Variants in DOCK8 observed in about 807,000 individuals in gnomAD.
DOCK8 encodes dedicator of cytokinesis 8, also known as dedicator of cytokinesis protein 8.
A neutral mutation model predicts 245.6 loss-of-function variants in DOCK8; 141 were observed. The ratio of observed to expected loss-of-function variants is 0.57; its 90% CI spans 0.50 to 0.66. DOCK8 has a LOEUF of 0.66. DOCK8 is among the 30% of genes least tolerant of loss of function. The pLI is 0.00. For synonymous variants in DOCK8, 1,168 were observed against 970.2 expected (o/e 1.20, Z -3.79); for missense variants, 2,965 against 2,603.4 (o/e 1.14, Z -3.02).
At chr9:244,048 C>G (rs796858683) in intron 1 of DOCK8, among the ~76,000 whole-genome samples, 1 of 151,872 alleles carries the variant, frequency 6.6e-6, no homozygotes, top group Admixed American at 6.6e-5. Context: ...TTTAGCCGGG[C>G]GTGGCGGCGA....
chr9:227,667 C>T (rs914552081), intron 1 of DOCK8, among the ~76,000 whole-genome samples: 1 of 152,024 alleles, frequency 6.6e-6, no homozygotes, highest in African/African-American at 2.4e-5. Context: ...TTCTATTGGG[C>T]GGCTTGAAAT....
intron 14 of DOCK8, among the ~76,000 whole-genome samples, chr9:361,344 T>A (rs889372965): frequency 7.9e-5 from 12 of 152,274 alleles, no homozygotes; most frequent in African/African-American, 2.9e-4. Flanking sequence ...AGGTAACATA[T>A]AATATCTTAC....
intron 1 of DOCK8, among the ~76,000 whole-genome samples, chr9:223,622 CT>C (rs113604836): frequency 0.015 from 2,102 of 139,998 alleles, 33 homozygotes; most frequent in African/African-American, 0.044. Flanking sequence ...GTTTTAAAAT[CT>C]TTTTTTTTTT....
rs185164479 is a variant in DOCK8, at chr9:362,074, T to C, written c.1680-5944T>C. Among the ~76,000 whole-genome samples, 19 of 152,280 alleles carry C rather than the reference T, an allele frequency of 1.2e-4. No homozygotes were observed. The East Asian group carries it at 3.5e-3, about 28-fold the overall frequency. ...GCTCTCTTTGAGATTTTTAAGGCCC[T>C]GTAAGTAAAATATTTTCAGATTACA... On this transcript the variant is annotated intron_variant, in intron 14 of 47. Transcript: ENST00000432829.
At chr9:253,310 G>A (rs73638087) in intron 1 of DOCK8, among the ~76,000 whole-genome samples, 6,749 of 152,254 alleles carry the variant, frequency 0.044, 483 homozygotes, top group African/African-American at 0.15. Flanking sequence ...GTGCTTTAAG[G>A]TGGTGGGAAT....
chr9:233,596 A>T (rs1038322567), intron 1 of DOCK8, among the ~76,000 whole-genome samples: 2 of 151,876 alleles, frequency 1.3e-5, no homozygotes, highest in African/African-American at 4.8e-5. Context: ...TTGGGTGCAT[A>T]TATATTTAGG....
chr9:396,440 G>C (rs987816537), intron 24 of DOCK8, among the ~76,000 whole-genome samples: 1 of 152,158 alleles, frequency 6.6e-6, no homozygotes, highest in African/African-American at 2.4e-5. Context: ...TATGATAGAG[G>C]ACACCTAGCT....
intron 14 of DOCK8, among the ~76,000 whole-genome samples, chr9:343,296 C>T (rs2051701935): frequency 6.6e-6 from 1 of 152,226 alleles, no homozygotes; most frequent in South Asian, 2.1e-4. Context: ...AGTTTAAGAT[C>T]AGCCCGGGCA....
chr9:414,473 C>T (rs1164269300), intron 28 of DOCK8, among the ~76,000 whole-genome samples: 4 of 151,368 alleles, frequency 2.6e-5, no homozygotes, highest in African/African-American at 9.7e-5. Context: ...CTTGGTTTTC[C>T]AGGGTTAGAA....
intron 14 of DOCK8, among the ~76,000 whole-genome samples, chr9:358,996 C>G (rs936914361): frequency 6.6e-6 from 1 of 152,222 alleles, no homozygotes; most frequent in African/African-American, 2.4e-5. Context: ...GCTTCTCAAA[C>G]TTGAATGTAC....
At chr9:227,113 A>G (rs1309097280) in intron 1 of DOCK8, among the ~76,000 whole-genome samples, 1 of 152,184 alleles carries the variant, frequency 6.6e-6, no homozygotes, top group Non-Finnish European at 1.5e-5. Flanking sequence ...ACATGCATGT[A>G]TGAGTGTATG....
At chr9:314,042 A>G (rs1454351926) in intron 6 of DOCK8, among the ~76,000 whole-genome samples, 5 of 152,220 alleles carry the variant, frequency 3.3e-5, no homozygotes, top group Non-Finnish European at 7.3e-5. Context: ...TCAAGATTCA[A>G]CAGATAAATT....
At chr9:291,314 G>C (rs1050824252) in intron 4 of DOCK8, among the ~76,000 whole-genome samples, 1 of 151,946 alleles carries the variant, frequency 6.6e-6, no homozygotes, top group African/African-American at 2.4e-5. Flanking sequence ...GACTCTTTTT[G>C]GAATACTCGT....
At position 305,441 on chromosome 9, in the gene DOCK8, C is replaced by T. The variant is rs1299529822; in HGVS notation, c.528+737C>T. 4.6e-5 allele frequency among the ~76,000 whole-genome samples: 7 copies of T among 151,704 alleles called. No homozygotes were observed. In the East Asian group the frequency reaches 9.7e-4, roughly 21 times the overall value. On this transcript the variant is annotated intron_variant, in intron 5 of 47. Coordinates refer to ENST00000432829, the MANE Select transcript of DOCK8 (RefSeq NM_203447.4). Reference sequence around the variant, plus strand: ...GGGACTACAGGCTCCCGCCACCACGCCCAGCTAATTTCTTTTTGTATTTTT... The same window carrying T: ...GGGACTACAGGCTCCCGCCACCACGTCCAGCTAATTTCTTTTTGTATTTTT...
chr9:357,491 T>C (rs879268160), intron 14 of DOCK8, among the ~76,000 whole-genome samples: 1 of 152,248 alleles, frequency 6.6e-6, no homozygotes, highest in Non-Finnish European at 1.5e-5. Flanking sequence ...TTCTGTCATT[T>C]GATTTCTGAC....
rs569898421 is a variant in DOCK8 at position 267,346 on chromosome 9, C to T, written c.54-4281C>T. ...TCAGCCCCCTGAGTAGCTGGGACTA[C>T]AGGCACACACCACCATACCTGGCTA... On this transcript the variant is annotated intron_variant, in intron 1 of 47. Coordinates refer to ENST00000432829, the MANE Select transcript of DOCK8 (RefSeq NM_203447.4). Among the ~76,000 whole-genome samples the T allele has an allele frequency of 5.3e-5, 8 of 152,286 alleles. No individual in the cohort carries two copies. The East Asian group carries it at 1.5e-3, about 29-fold the overall frequency.
At position 420,970 on chromosome 9, in the gene DOCK8, G is replaced by C; in HGVS notation, c.4045G>C (p.Val1349Leu). 1 of 1,614,216 alleles carries C rather than the reference G, an allele frequency of 6.2e-7. No individual in the cohort carries two copies. Among genetic ancestry groups the C allele is most frequent in the East Asian group, 2.2e-5 (1 of 44,882 alleles). The change falls in exon 32 of 48, where the codon GTC becomes CTC. Residue 1349 changes from valine (V) to leucine (L), a missense_variant. Transcript: ENST00000432829. ...CCAGGGAAAACAGAGTTCTGACAAA[G>C]TCAGTACCCAAGTCCTGCAGAAGTC... ...EYKGKQSSDK[V>L]STQVLQKSRD...
chr9:375,928 T>A (rs1308442528), intron 18 of DOCK8, among the ~76,000 whole-genome samples: 3 of 152,104 alleles, frequency 2.0e-5, no homozygotes, highest in East Asian at 3.8e-4. Flanking sequence ...GCCCAGGAGG[T>A]CGAGGCTGCA....
At position 377,066 on chromosome 9, in the gene DOCK8, C is replaced by T. The variant is rs12348944; in HGVS notation, c.2295C>T (p.Ser765=). 0.014 allele frequency: 22,668 copies of T among 1,613,360 alleles called. 361 individuals carry two copies. The highest frequency in any genetic ancestry group is 0.081 in the African/African-American group (6,109 of 75,028). Residue 765 remains serine, a synonymous_variant, in exon 20 of 48, where the codon AGC becomes AGT. Transcript: ENST00000432829. ...TCCGCGTGCTGGATCAGAAAATCAG[C>T]GAGATGGCGCTGGAGCATGAGCTGA... ...FPIRVLDQKI[S]EMALEHELKL... is the part of the protein sequence containing the mutation.
Sources: allele counts gnomAD v4.1 joint callset (sites outside exome capture counted in the v4.1 genomes callset), GRCh38; gene constraint gnomAD v4.1.1; transcripts MANE v1.5; gene names NCBI Gene and HGNC (gene_info 2026-07-23, HGNC 2026-07-21).